The following SMO variants were observed in gnomAD, a reference collection of about 807,000 sequenced individuals.
SMO encodes the protein protein smoothened.
In SMO, 40 loss-of-function variants were observed where a neutral mutation model predicts 81.6. That is an observed-to-expected ratio of 0.49 (90% CI 0.38 to 0.64). The LOEUF is 0.64. Ranked by LOEUF, SMO falls within the 30% of genes least tolerant of loss-of-function variation. The pLI is 0.00. For synonymous variants in SMO, 434 were observed against 432.1 expected, an observed-to-expected ratio of 1.00 and a Z score of -0.05; for missense variants, 916 against 1,061.1, an observed-to-expected ratio of 0.86 and a Z score of 1.90.
In SMO at chr7:129,205,436, G is replaced by T. The variant is rs2075777; in HGVS notation, c.747+24G>T. On this transcript the variant is annotated intron_variant, in intron 3 of 11. Transcript: ENST00000249373. Reference sequence around the variant, plus strand: ...TGGTCAGCCGCGGGAGGGCAGGCCCGGGGGGCCCTCAGCCTGGAACGTGGG... The same window carrying T: ...TGGTCAGCCGCGGGAGGGCAGGCCCTGGGGGCCCTCAGCCTGGAACGTGGG... 2.4e-4 allele frequency: 391 copies of T among 1,598,350 alleles called. 3 individuals are homozygous for T. Among genetic ancestry groups the T allele is most frequent in the South Asian group, 2.1e-3 (192 of 89,976 alleles).
rs201694186 is a variant in SMO at position 129,212,019 on chromosome 7, G to T, written c.1937-5G>T. On this transcript the variant is annotated splice_polypyrimidine_tract_variant and splice_region_variant and intron_variant, in intron 11 of 11. Transcript: ENST00000249373. The surrounding 1 kb of genome is among the most constrained non-coding windows in gnomAD (Gnocchi z 5.0). ...CCAGGCTCGTGTTGTCTCTCCTCCT[G>T]TCAGTGCCCCCAGAGGAACAAGCCA... 47 of 1,579,314 alleles carry T rather than the reference G, an allele frequency of 3.0e-5. No homozygotes were observed. The highest frequency in any genetic ancestry group is 3.9e-5 in the Non-Finnish European group (46 of 1,169,470).
At chr7:129,200,740 GT>G (rs200680208) in intron 1 of SMO, among the ~76,000 whole-genome samples, 6,505 of 152,070 alleles carry the variant, frequency 0.043, 150 homozygotes, top group African/African-American at 0.048. Context: ...TTTTGTTGTT[GT>G]TTGTTTGTTT....
intron 1 of SMO, among the ~76,000 whole-genome samples, chr7:129,193,728 C>T (rs1430451555): frequency 5.1e-5 from 6 of 118,218 alleles, no homozygotes; most frequent in African/African-American, 2.0e-4. Flanking sequence ...CACTGCACTC[C>T]AGCCTGGGCG....
chr7:129,205,494 C>A, intron 3 of SMO, 82 bp downstream of exon 3: 1 of 1,534,436 alleles, frequency 6.5e-7, no homozygotes, highest in Non-Finnish European at 9.0e-7. Flanking sequence ...GCAAAGAGGT[C>A]TTGGTGGGGG....
chr7:129,205,904 T>C, intron 4 of SMO, 122 bp downstream of exon 4: 1 of 820,376 alleles, frequency 1.2e-6, no homozygotes, highest in Non-Finnish European at 1.9e-6. Context: ...TCTGCCCTAC[T>C]GCATACTGCA....
chr7:129,209,866 G>A (rs1793840346), intron 8 of SMO: 1 of 180,054 alleles, frequency 5.6e-6, no homozygotes, highest in Non-Finnish European at 1.2e-5. Flanking sequence ...CTACTGCTGA[G>A]AGAAGCGCAG....
rs568254462 is a variant in SMO, at chr7:129,192,966, T to C, written c.331+3484T>C. 2.0e-5 allele frequency among the ~76,000 whole-genome samples: 3 copies of C among 152,280 alleles called. No homozygotes were observed. The South Asian group carries it at 6.2e-4, about 32-fold the overall frequency. ...TGAGGAAGTTTATAGCTCAGGTTGG[T>C]CCAATTTCTAGGTCTGTATAGACCT... On this transcript the variant is annotated intron_variant, in intron 1 of 11. Coordinates refer to ENST00000249373, the MANE Select transcript of SMO (RefSeq NM_005631.5).
At position 129,189,590 on chromosome 7, in the gene SMO, C is replaced by A; in HGVS notation, c.331+108C>A. The A allele has an allele frequency of 8.1e-7, 1 of 1,233,224 alleles. No homozygotes were observed. Among genetic ancestry groups the A allele is most frequent in the Non-Finnish European group, 1.1e-6 (1 of 897,802 alleles). 76.4% of individuals were successfully genotyped at this position (1,233,224 alleles called of 1,614,324 possible). A position where few individuals can be genotyped will look rare whatever the true frequency, so the allele number is the denominator to read the frequency against. ...TGAGTTTTGGAGAGGGCGGGGACAG[C>A]ACCCGGGAGAGTTGGAGGGACAGAT... On this transcript the variant is annotated intron_variant, in intron 1 of 11. Coordinates refer to ENST00000249373, the MANE Select transcript of SMO (RefSeq NM_005631.5). The surrounding 1 kb of genome is among the most constrained non-coding windows in gnomAD (Gnocchi z 4.7).
rs1793815254 is a variant in SMO at position 129,208,809 on chromosome 7, G to A, written c.1315G>A (p.Glu439Lys). The change falls in exon 7 of 12, where the codon GAG (glutamate) becomes AAG (lysine). Residue 439 changes from glutamate (E) to lysine (K), a missense_variant. Transcript: ENST00000249373. This position sits in a 1 kb window ranked among gnomAD's most constrained non-coding sequence, Gnocchi z 5.2. ...IKSNHPGLLS[E>K]KAASKINETM... is the part of the protein sequence containing the mutation. The stretch of plus-strand genomic sequence containing the variant: ...GAGCAACCACCCCGGGCTGCTGAGT[G>A]AGAAGGCTGCCAGCAAGATCAACGA... 1 of 1,613,926 alleles carries A rather than the reference G, an allele frequency of 6.2e-7. No homozygotes were observed. Among genetic ancestry groups the A allele is most frequent in the Admixed American group, 1.7e-5 (1 of 60,000 alleles).
At chr7:129,209,562 C>T (rs1230253966) in intron 8 of SMO, among the ~76,000 whole-genome samples, 165 bp downstream of exon 8, 2 of 152,218 alleles carry the variant, frequency 1.3e-5, no homozygotes, top group Non-Finnish European at 2.9e-5. Context: ...CGTAGTTTCT[C>T]AAACGTGGCA....
rs982650314 is a variant in SMO, at chr7:129,204,240, C to T, written c.537+651C>T. 2.6e-4 allele frequency among the ~76,000 whole-genome samples: 39 copies of T among 151,528 alleles called. 2 individuals carry two copies. The highest frequency in any genetic ancestry group is 4.6e-4 in the Admixed American group (7 of 15,214). ...CCCAGCTACTCGGGAGGCTGAGACA[C>T]GAGAATCGCTTGAACCCGGGAGGTG... is the stretch of plus-strand genomic sequence containing the variant. On this transcript the variant is annotated intron_variant, in intron 2 of 11. Transcript: ENST00000249373.
chr7:129,192,566 G>A (rs1361517705), intron 1 of SMO, among the ~76,000 whole-genome samples: 1 of 152,156 alleles, frequency 6.6e-6, no homozygotes, highest in African/African-American at 2.4e-5. Flanking sequence ...TGTTGAAGTA[G>A]CCCAAGTAAG....
intron 1 of SMO, among the ~76,000 whole-genome samples, chr7:129,196,872 T>G (rs753796479): frequency 6.6e-6 from 1 of 151,586 alleles, no homozygotes; most frequent in Non-Finnish European, 1.5e-5. Flanking sequence ...AAAAAGTTAG[T>G]CGGGCATGGT....
intron 1 of SMO, among the ~76,000 whole-genome samples, chr7:129,195,395 G>A (rs1256587125): frequency 2.6e-5 from 4 of 152,160 alleles, no homozygotes; most frequent in African/African-American, 9.7e-5. Flanking sequence ...CTATATTGTG[G>A]CATATATTTG....
intron 1 of SMO, among the ~76,000 whole-genome samples, chr7:129,194,185 C>T (rs1005055924): frequency 2.0e-5 from 3 of 151,842 alleles, no homozygotes; most frequent in African/African-American, 4.8e-5. Context: ...TACAGAAAAA[C>T]ATACATGGAC....
In SMO at chr7:129,205,744, C is replaced by G. The variant is rs367644154; in HGVS notation, c.882C>G (p.Val294=). 3.3e-5 allele frequency: 53 copies of G among 1,610,014 alleles called. No homozygotes were observed. Among genetic ancestry groups the G allele is most frequent in the Non-Finnish European group, 3.6e-5 (42 of 1,179,992 alleles). The change falls in exon 4 of 12, where the codon GTC becomes GTG. Residue 294 remains valine (V), a synonymous_variant. Transcript: ENST00000249373. ...QFMDGARREI[V]CRADGTMRLG... ...TGGATGGTGCCCGCCGAGAGATCGT[C>G]TGCCGTGCAGATGGCACCATGAGGC...
intron 1 of SMO, among the ~76,000 whole-genome samples, chr7:129,195,968 G>T (rs1212273353): frequency 6.6e-6 from 1 of 152,004 alleles, no homozygotes; most frequent in Non-Finnish European, 1.5e-5. Flanking sequence ...GGGCGCGGTG[G>T]TGGGCGCCTG....
At position 129,209,527 on chromosome 7, in the gene SMO, T is replaced by C. The variant is rs926951792; in HGVS notation, c.1466+130T>C. On this transcript the variant is annotated intron_variant, in intron 8 of 11. Transcript: ENST00000249373. ...CAGACAGCAGATTCAATGGATGGTG[T>C]CTGGGTGCATAAGGCATCAGTCTCC... The C allele has an allele frequency of 2.4e-5, 15 of 636,180 alleles. No individual in the cohort carries two copies. The Admixed American group carries it at 3.7e-4, about 16-fold the overall frequency. The allele number at this position is 636,180 out of a possible 1,614,324, so 39.4% of individuals were successfully genotyped here. A position where few individuals can be genotyped will look rare whatever the true frequency, so the allele number is the denominator to read the frequency against.
intron 1 of SMO, among the ~76,000 whole-genome samples, chr7:129,198,951 T>C (rs1793623330): frequency 6.6e-6 from 1 of 152,246 alleles, no homozygotes; most frequent in Non-Finnish European, 1.5e-5. Context: ...GTTGGTCTCC[T>C]ATTGATGGAT....
Sources: gnomAD v4.1 joint callset for allele counts (sites outside exome capture counted in the v4.1 genomes callset) on GRCh38, gnomAD v4.1.1 for gene constraint, Gnocchi (gnomAD v3.1) non-coding constraint, MANE v1.5 for transcripts, NCBI Gene and HGNC (gene_info 2026-07-23, HGNC 2026-07-21) for gene names.